The following YPEL2 variants were observed in gnomAD, a reference collection of about 807,000 sequenced individuals.
YPEL2 encodes the protein yippee like 2, also known as protein yippee-like 2.
Under a neutral mutation model 19.1 loss-of-function variants are expected in YPEL2, and 2 were observed. The observed-to-expected ratio is 0.10, with a 90% CI of 0.04 to 0.33. The LOEUF is 0.33. YPEL2 is among the 10% of genes least tolerant of loss of function. The pLI is 1.00. For missense variants in YPEL2, 66 were observed against 140.7 expected, an observed-to-expected ratio of 0.47 and a Z score of 2.68; for synonymous variants, 52 against 50.0, an observed-to-expected ratio of 1.04 and a Z score of -0.17.
At chr17:59,382,034 C>T (rs893147972) in intron 2 of YPEL2, among the ~76,000 whole-genome samples, 6 of 152,236 alleles carry the variant, frequency 3.9e-5, no homozygotes, top group Non-Finnish European at 8.8e-5. Flanking sequence ...TGTCTATCTG[C>T]AAGATGCCTG....
chr17:59,391,043 A>T (rs890843083), intron 4 of YPEL2, among the ~76,000 whole-genome samples: 14 of 152,292 alleles, frequency 9.2e-5, no homozygotes, highest in Middle Eastern at 3.4e-3. Context: ...TTCAGCCTGC[A>T]CGTGTACATC....
At chr17:59,338,021 A>C (rs2047708386) in intron 1 of YPEL2, among the ~76,000 whole-genome samples, 1 of 152,218 alleles carries the variant, frequency 6.6e-6, no homozygotes, top group South Asian at 2.1e-4. Flanking sequence ...ACAGAGCAGC[A>C]TTCTGCTTGC....
chr17:59,354,580 G>A (rs2047803213), intron 2 of YPEL2: 1 of 152,170 alleles, frequency 6.6e-6, no homozygotes, highest in South Asian at 2.1e-4. Context: ...TTTGACCTAG[G>A]AGGTGAAGAA....
chr17:59,358,837 A>AC, intron 2 of YPEL2, among the ~76,000 whole-genome samples: 1 of 149,792 alleles, frequency 6.7e-6, no homozygotes, highest in Non-Finnish European at 1.5e-5. Context: ...CGAACTCCTG[A>AC]CCTCAGGTGA....
At chr17:59,355,618 T>G (rs1891448236) in intron 2 of YPEL2, 1 of 152,240 alleles carries the variant, frequency 6.6e-6, no homozygotes, top group Admixed American at 6.5e-5. Context: ...TCTCCTGAGC[T>G]CTTTCTTATA....
intron 2 of YPEL2, among the ~76,000 whole-genome samples, chr17:59,363,909 CCTT>C (rs375929616): frequency 7.2e-5 from 11 of 152,252 alleles, no homozygotes; most frequent in Middle Eastern, 3.4e-3. Context: ...CTTGGTGAAT[CCTT>C]CTCCTTTCCT....
chr17:59,393,815 A>G (rs1313725528), intron 4 of YPEL2, among the ~76,000 whole-genome samples: 1 of 150,922 alleles, frequency 6.6e-6, no homozygotes, highest in Non-Finnish European at 1.5e-5. Context: ...TGTTTCAGAG[A>G]GCACAGGGTT....
intron 2 of YPEL2, among the ~76,000 whole-genome samples, chr17:59,382,332 C>A (rs532231099): frequency 1.3e-5 from 2 of 152,218 alleles, no homozygotes; most frequent in African/African-American, 4.8e-5. Flanking sequence ...CTTGGAGGTG[C>A]CTTAGGGCCT....
At chr17:59,390,250 C>G (rs143760107) in intron 4 of YPEL2, among the ~76,000 whole-genome samples, 1 of 152,292 alleles carries the variant, frequency 6.6e-6, no homozygotes, top group Non-Finnish European at 1.5e-5. Context: ...GATCCACCCC[C>G]GTCAGGCTCC....
At chr17:59,333,005 C>T (rs2047679709) in intron 1 of YPEL2, among the ~76,000 whole-genome samples, 1 of 152,218 alleles carries the variant, frequency 6.6e-6, no homozygotes, top group Non-Finnish European at 1.5e-5. Flanking sequence ...CGGTCAGCTT[C>T]CCTGTGCCTC....
At chr17:59,333,693 CAT>C (rs1196754433) in intron 1 of YPEL2, among the ~76,000 whole-genome samples, 3 of 152,172 alleles carry the variant, frequency 2.0e-5, no homozygotes, top group African/African-American at 7.2e-5. Context: ...GGTCCTGACC[CAT>C]AGTTTGAGAA....
Position 59,353,466 on chromosome 17 carries a change from G to T in YPEL2, c.57G>T (p.Arg19=). The T allele has an allele frequency of 6.2e-7, 1 of 1,613,456 alleles. No homozygotes were observed. Among genetic ancestry groups the T allele is most frequent in the Non-Finnish European group, 8.5e-7 (1 of 1,179,622 alleles). The change falls in exon 2 of 5, where the codon CGG becomes CGT. Residue 19 remains arginine (R), a synonymous_variant. Coordinates refer to ENST00000312655, the MANE Select transcript of YPEL2 (RefSeq NM_001005404.4). The surrounding 1 kb of genome is among the most constrained non-coding windows in gnomAD (Gnocchi z 4.8). ...TFQAYLPSCH[R]TYSCIHCRAH... Reference sequence around the variant, plus strand: ...AGGCATATCTGCCCTCCTGCCACCGGACCTACAGCTGCATTCACTGCAGAG... The same window carrying T: ...AGGCATATCTGCCCTCCTGCCACCGTACCTACAGCTGCATTCACTGCAGAG...
intron 4 of YPEL2, among the ~76,000 whole-genome samples, chr17:59,389,845 A>G (rs968258361): frequency 1.3e-5 from 2 of 152,062 alleles, no homozygotes; most frequent in Admixed American, 6.6e-5. Context: ...TGTCCAAGGC[A>G]ATCTAGCCAT....
At chr17:59,386,401 T>G (rs947811388) in intron 2 of YPEL2, among the ~76,000 whole-genome samples, 19 of 151,608 alleles carry the variant, frequency 1.3e-4, no homozygotes, top group Non-Finnish European at 2.4e-4. Flanking sequence ...TATCATTGGG[T>G]GCCTTTTTCT....
chr17:59,344,807 A>G (rs1369970970), intron 1 of YPEL2, among the ~76,000 whole-genome samples: 2 of 152,154 alleles, frequency 1.3e-5, no homozygotes, highest in South Asian at 4.1e-4. Context: ...GACTGCCCGT[A>G]TTTTTGTTAC....
intron 1 of YPEL2, among the ~76,000 whole-genome samples, chr17:59,332,651 G>A (rs955098671): frequency 6.6e-6 from 1 of 152,178 alleles, no homozygotes; most frequent in Non-Finnish European, 1.5e-5. Context: ...TGTTCTTCTG[G>A]ACTTCTTGTC....
At chr17:59,392,944 C>G (rs2048015384) in intron 4 of YPEL2, among the ~76,000 whole-genome samples, 2 of 152,222 alleles carry the variant, frequency 1.3e-5, no homozygotes, top group African/African-American at 4.8e-5. Context: ...GCCACCGCAC[C>G]TGGCCCTCCT....
At chr17:59,359,469 T>C (rs904430971) in intron 2 of YPEL2, among the ~76,000 whole-genome samples, 1 of 152,104 alleles carries the variant, frequency 6.6e-6, no homozygotes, top group Non-Finnish European at 1.5e-5. Context: ...TACAATATTA[T>C]CAGACCAGAA....
intron 2 of YPEL2, among the ~76,000 whole-genome samples, chr17:59,378,347 C>CTTTT (rs35976467): frequency 2.8e-5 from 4 of 142,038 alleles, no homozygotes; most frequent in African/African-American, 1.1e-4. Context: ...GAGTCTCCTC[C>CTTTT]TTTTTTTTTT....
Sources: allele counts gnomAD v4.1 joint callset (sites outside exome capture counted in the v4.1 genomes callset), GRCh38; gene constraint gnomAD v4.1.1; non-coding constraint Gnocchi (gnomAD v3.1); transcripts MANE v1.5; gene names NCBI Gene and HGNC (gene_info 2026-07-23, HGNC 2026-07-21).